Variants in TTC28 observed in about 807,000 individuals in gnomAD.
TTC28 encodes tetratricopeptide repeat domain 28.
Under a neutral mutation model 198.0 loss-of-function variants are expected in TTC28, and 61 were observed. The ratio of observed to expected loss-of-function variants is 0.31; its 90% CI spans 0.25 to 0.38. TTC28 has a LOEUF of 0.38. Ranked by LOEUF, TTC28 falls within the 10% of genes least tolerant of loss-of-function variation. The pLI is 1.00. For synonymous variants in TTC28, 1,171 were observed against 1,297.8 expected (o/e 0.90, Z 2.10); for missense variants, 2,678 against 3,164.0 (o/e 0.85, Z 3.69).
intron 6 of TTC28, among the ~76,000 whole-genome samples, chr22:28,148,170 G>A (rs1313271999): frequency 6.6e-6 from 1 of 152,220 alleles, no homozygotes; most frequent in Non-Finnish European, 1.5e-5. Flanking sequence ...AAAGGACCAT[G>A]TAAAGGAGGG....
At chr22:28,431,715 C>G (rs534383780) in intron 2 of TTC28, among the ~76,000 whole-genome samples, 1 of 152,170 alleles carries the variant, frequency 6.6e-6, no homozygotes, top group Non-Finnish European at 1.5e-5. Context: ...CAGTGCCGCA[C>G]GCCTGTAATC....
chr22:28,070,012 G>A (rs8143058), intron 12 of TTC28, among the ~76,000 whole-genome samples: 1,561 of 151,368 alleles, frequency 0.01, 30 homozygotes, highest in African/African-American at 0.035. Flanking sequence ...ATTAACCCAG[G>A]TTGCTCATTC....
chr22:28,639,811 G>A (rs1185785719), intron 1 of TTC28, among the ~76,000 whole-genome samples: 1 of 151,942 alleles, frequency 6.6e-6, no homozygotes, highest in Non-Finnish European at 1.5e-5. Flanking sequence ...GCATGAAAAC[G>A]GACTAATACA....
At chr22:28,550,921 G>A (rs931338546) in intron 2 of TTC28, among the ~76,000 whole-genome samples, 1 of 151,900 alleles carries the variant, frequency 6.6e-6, no homozygotes, top group African/African-American at 2.4e-5. Flanking sequence ...TCTTATATCA[G>A]ACAAACCAAA....
chr22:28,439,939 G>A lies in TTC28; in HGVS notation c.382-133296C>T, dbSNP rs912271482. 3.3e-5 allele frequency among the ~76,000 whole-genome samples: 5 copies of A among 152,104 alleles called. No homozygotes were observed. The South Asian group carries it at 8.3e-4, about 25-fold the overall frequency. On this transcript the variant is annotated intron_variant, in intron 2 of 22. Coordinates refer to ENST00000397906, the MANE Select transcript of TTC28 (RefSeq NM_001145418.2). Reference sequence around the variant, plus strand: ...CAACCTCCACCTCCCAGATTCAAGCGATTCTCCTGTCTCAGCCTCCTGAGT... The same window carrying A: ...CAACCTCCACCTCCCAGATTCAAGCAATTCTCCTGTCTCAGCCTCCTGAGT...
intron 2 of TTC28, among the ~76,000 whole-genome samples, chr22:28,388,282 G>A (rs1057169792): frequency 6.6e-5 from 10 of 152,212 alleles, no homozygotes; most frequent in Admixed American, 6.5e-4. Flanking sequence ...GTAGTGTGAT[G>A]CCTCCAGCTT....
At chr22:28,569,605 T>C (rs1489784099) in intron 2 of TTC28, among the ~76,000 whole-genome samples, 5 of 150,990 alleles carry the variant, frequency 3.3e-5, no homozygotes, top group Admixed American at 6.6e-5. Flanking sequence ...ATAAAACCCA[T>C]AGAAAAAAAA....
intron 5 of TTC28, among the ~76,000 whole-genome samples, chr22:28,289,973 G>T (rs560352155): frequency 3.9e-5 from 6 of 152,136 alleles, no homozygotes; most frequent in Admixed American, 3.3e-4. Flanking sequence ...GCAGTGAGCC[G>T]AGACTGCGCC....
At chr22:28,381,076 A>G (rs1032928274) in intron 2 of TTC28, among the ~76,000 whole-genome samples, 2 of 151,602 alleles carry the variant, frequency 1.3e-5, no homozygotes, top group African/African-American at 2.4e-5. Context: ...AAATGTCAGT[A>G]GGGAGGCTGA....
intron 5 of TTC28, among the ~76,000 whole-genome samples, chr22:28,255,014 C>T (rs906187694): frequency 6.6e-6 from 1 of 152,014 alleles, no homozygotes; most frequent in East Asian, 1.9e-4. Context: ...AATTTATATA[C>T]CACAAATTAT....
intron 12 of TTC28, among the ~76,000 whole-genome samples, chr22:28,085,982 A>C (rs1253913504): frequency 6.6e-6 from 1 of 152,158 alleles, no homozygotes; most frequent in Admixed American, 6.6e-5. Flanking sequence ...ATATATATGC[A>C]CCCAATACAG....
Position 27,983,719 on chromosome 22 carries a change from TCCG to T in TTC28, c.5945_5947del (p.Ala1982del). On this transcript the variant is annotated inframe_deletion, in exon 23 of 23. Coordinates refer to ENST00000397906, the MANE Select transcript of TTC28 (RefSeq NM_001145418.2). ...AGAGATGGCATCTGAGGCGATGCTGTCCGCACCGGTGGGAGAGAAGGGGGGTTG... is the reference window on the plus strand; with the variant it reads ...AGAGATGGCATCTGAGGCGATGCTGTCACCGGTGGGAGAGAAGGGGGGTTG... 2 of 1,551,460 alleles carry T rather than the reference TCCG, an allele frequency of 1.3e-6. No individual in the cohort carries two copies. Among genetic ancestry groups the T allele is most frequent in the Non-Finnish European group, 1.7e-6 (2 of 1,146,898 alleles).
At chr22:28,042,474 G>C (rs775326618) in intron 12 of TTC28, among the ~76,000 whole-genome samples, 1 of 152,056 alleles carries the variant, frequency 6.6e-6, no homozygotes, top group East Asian at 1.9e-4. Flanking sequence ...GCAAACTATC[G>C]CAAGGACAAA....
chr22:28,257,737 A>AAC lies in TTC28; in HGVS notation c.933+38459_933+38460dup, dbSNP rs1403783185. ...TTTTACCATCTTTAGATGGTAATAG[A>AAC]ACATATATATATATATATATATATA... On this transcript the variant is annotated intron_variant, in intron 5 of 22. Transcript: ENST00000397906. Among the ~76,000 whole-genome samples the AAC allele has an allele frequency of 4.6e-5, 3 of 64,958 alleles. No homozygotes were observed. In the East Asian group the frequency reaches 1.9e-3, roughly 40 times the overall value. The allele number at this position is 64,958 out of a possible 152,430, so 42.6% of individuals were successfully genotyped here. A position where few individuals can be genotyped will look rare whatever the true frequency, so the allele number is the denominator to read the frequency against.
At chr22:28,677,385 G>A (rs1399292366) in intron 1 of TTC28, among the ~76,000 whole-genome samples, 5 of 151,854 alleles carry the variant, frequency 3.3e-5, no homozygotes, top group Non-Finnish European at 5.9e-5. Flanking sequence ...AGTGGCTCAC[G>A]CCTGTAATTC....
At chr22:28,318,866 T>TG in intron 2 of TTC28, among the ~76,000 whole-genome samples, 1 of 134,168 alleles carries the variant, frequency 7.5e-6, no homozygotes, top group Non-Finnish European at 1.5e-5. Context: ...TTACCCAGGC[T>TG]GGAGTACAGT....
intron 2 of TTC28, among the ~76,000 whole-genome samples, chr22:28,571,961 A>C (rs1306228928): frequency 6.6e-6 from 1 of 151,382 alleles, no homozygotes; most frequent in Non-Finnish European, 1.5e-5. Context: ...AAAAAAAAAA[A>C]AAAAAAACAA....
At chr22:28,443,495 A>C (rs1463222326) in intron 2 of TTC28, among the ~76,000 whole-genome samples, 1 of 152,190 alleles carries the variant, frequency 6.6e-6, no homozygotes, top group Non-Finnish European at 1.5e-5. Flanking sequence ...ACTTGGGAAA[A>C]GGATCTGCCC....
chr22:28,346,303 T>C (rs1203840929), intron 2 of TTC28, among the ~76,000 whole-genome samples: 1 of 152,226 alleles, frequency 6.6e-6, no homozygotes. Context: ...AACGGGGTAC[T>C]AAAGTGTTGC....
Sources: gnomAD v4.1 joint callset for allele counts (sites outside exome capture counted in the v4.1 genomes callset) on GRCh38, gnomAD v4.1.1 for gene constraint, MANE v1.5 for transcripts, NCBI Gene and HGNC (gene_info 2026-07-23, HGNC 2026-07-21) for gene names.